Variants in SGCD observed in about 807,000 individuals in gnomAD.
The protein encoded by SGCD is delta-sarcoglycan.
A neutral mutation model predicts 36.6 loss-of-function variants in SGCD; 18 were observed. That is an observed-to-expected ratio of 0.49 (90% CI 0.34 to 0.73). SGCD has a LOEUF of 0.73. Among genes scored for constraint, SGCD ranks in the 30% least tolerant of loss-of-function variants. The pLI, the probability that SGCD is intolerant of heterozygous loss-of-function variation, is 0.01. For synonymous variants in SGCD, 133 were observed against 130.6 expected (o/e 1.02, Z -0.12); for missense variants, 387 against 346.7 (o/e 1.12, Z -0.92).
intron 3 of SGCD, among the ~76,000 whole-genome samples, chr5:156,423,184 A>ATATATATAATATTATATTTTAT (rs1773412011): frequency 1.3e-5 from 1 of 77,430 alleles, no homozygotes; most frequent in Non-Finnish European, 2.9e-5. Flanking sequence ...ATAATTAATT[A>ATATATATAATATTATATTTTAT]TATAATATAA....
At chr5:156,303,030 G>A (rs1019854211) in intron 3 of SGCD, among the ~76,000 whole-genome samples, 1 of 152,216 alleles carries the variant, frequency 6.6e-6, no homozygotes, top group Non-Finnish European at 1.5e-5. Flanking sequence ...GGAAAATTCA[G>A]CCAGACTTTT....
At chr5:156,239,121 T>C (rs1765236864) in intron 3 of SGCD, among the ~76,000 whole-genome samples, 1 of 151,970 alleles carries the variant, frequency 6.6e-6, no homozygotes, top group Middle Eastern at 3.2e-3. Context: ...ATTTGGAGGC[T>C]GGGCATGGTG....
rs1365575657 is a variant in SGCD at position 156,159,884 on chromosome 5, T to C, written c.-44+35865T>C. On this transcript the variant is annotated intron_variant, in intron 3 of 9. Coordinates refer to the SGCD transcript ENST00000517913. ...AGAATACCTTCTTTAACAAATCTTG[T>C]ATTGTTAAATATGTAGATTTTTGGA... 1.3e-5 allele frequency among the ~76,000 whole-genome samples: 2 copies of C among 151,644 alleles called. 1 individual carries two copies. Among genetic ancestry groups the C allele is most frequent in the African/African-American group, 4.9e-5 (2 of 40,990 alleles).
the SGCD span, among the ~76,000 whole-genome samples, chr5:155,832,965 G>A: frequency 6.7e-6 from 1 of 149,798 alleles, no homozygotes; most frequent in African/African-American, 2.5e-5. Flanking sequence ...TATAATCCCA[G>A]CACTTTGGGA....
intron 3 of SGCD, among the ~76,000 whole-genome samples, chr5:156,231,606 C>A (rs917459122): frequency 6.6e-6 from 1 of 151,990 alleles, no homozygotes; most frequent in African/African-American, 2.4e-5. Context: ...AAAGTGTATT[C>A]GATAAGAGGA....
intron 3 of SGCD, among the ~76,000 whole-genome samples, chr5:156,129,521 C>A (rs775835845): frequency 1.3e-5 from 2 of 152,126 alleles, no homozygotes; most frequent in African/African-American, 4.8e-5. Context: ...AGGGTACATG[C>A]GAAGCTTTGT....
chr5:156,376,955 A>C (rs1770702311), intron 3 of SGCD, among the ~76,000 whole-genome samples: 1 of 152,128 alleles, frequency 6.6e-6, no homozygotes, highest in South Asian at 2.1e-4. Flanking sequence ...AACAGATGAG[A>C]GCCAAAATTA....
chr5:155,994,310 G>T (rs1014765890), intron 1 of SGCD, among the ~76,000 whole-genome samples: 1 of 152,168 alleles, frequency 6.6e-6, no homozygotes. Flanking sequence ...TCATTGGGAT[G>T]TTGTGAACAT....
chr5:156,423,386 A>ACAT (rs1773502008), intron 3 of SGCD, among the ~76,000 whole-genome samples: 3 of 105,302 alleles, frequency 2.8e-5, no homozygotes, highest in African/African-American at 8.2e-5. Flanking sequence ...TTATAATATA[A>ACAT]TATATTATAT....
the SGCD span, among the ~76,000 whole-genome samples, chr5:155,769,409 C>T: frequency 4.0e-5 from 6 of 149,714 alleles, no homozygotes; most frequent in Non-Finnish European, 5.9e-5. Context: ...ACCAAAAAAC[C>T]GGAGGCATAT....
At chr5:156,114,046 C>T (rs936883839) in intron 1 of SGCD, among the ~76,000 whole-genome samples, 4 of 151,998 alleles carry the variant, frequency 2.6e-5, no homozygotes, top group African/African-American at 9.7e-5. Context: ...GGCAGAGAAA[C>T]TACTCTGTAT....
At chr5:156,677,179 G>A (rs972653329) in intron 7 of SGCD, among the ~76,000 whole-genome samples, 8 of 152,166 alleles carry the variant, frequency 5.3e-5, no homozygotes, top group Non-Finnish European at 8.8e-5. Flanking sequence ...ATACCCAAAG[G>A]ATTATAAATC....
chr5:155,992,481 A>G (rs1280256629), intron 1 of SGCD, among the ~76,000 whole-genome samples: 1 of 152,206 alleles, frequency 6.6e-6, no homozygotes, highest in East Asian at 1.9e-4. Context: ...AGAGGGAAAA[A>G]TAACCTAAAC....
chr5:156,100,393 A>G (rs1267468867), intron 1 of SGCD, among the ~76,000 whole-genome samples: 5 of 152,192 alleles, frequency 3.3e-5, no homozygotes, highest in Non-Finnish European at 7.3e-5. Flanking sequence ...TTAATTGGAC[A>G]TGAGATGAGG....
At chr5:156,315,338 T>G (rs1336226393) in intron 3 of SGCD, among the ~76,000 whole-genome samples, 2 of 151,936 alleles carry the variant, frequency 1.3e-5, no homozygotes, top group Admixed American at 1.3e-4. Context: ...CTTATTTCAC[T>G]TAACACAATA....
intron 1 of SGCD, among the ~76,000 whole-genome samples, chr5:155,957,328 T>C (rs1372313642): frequency 6.6e-6 from 1 of 152,050 alleles, no homozygotes; most frequent in Non-Finnish European, 1.5e-5. Context: ...TACTCTCACC[T>C]GAAGAGAGCT....
At chr5:156,610,303 G>T (rs1380127982) in intron 6 of SGCD, among the ~76,000 whole-genome samples, 1 of 152,168 alleles carries the variant, frequency 6.6e-6, no homozygotes, top group Non-Finnish European at 1.5e-5. Context: ...TTTGCTGGAG[G>T]TCCACTCCAG....
intron 1 of SGCD, among the ~76,000 whole-genome samples, chr5:155,904,729 T>TA (rs993102585): frequency 1.3e-5 from 2 of 152,182 alleles, no homozygotes; most frequent in African/African-American, 4.8e-5. Flanking sequence ...ATAGGTTTTT[T>TA]AAAAAATACA....
chr5:155,968,028 G>C (rs1157183450), intron 1 of SGCD, among the ~76,000 whole-genome samples: 4 of 152,050 alleles, frequency 2.6e-5, no homozygotes, highest in African/African-American at 9.7e-5. Context: ...CTCTGATACT[G>C]TTCACAAATT....
Sources: allele counts gnomAD v4.1 joint callset (sites outside exome capture counted in the v4.1 genomes callset), GRCh38; gene constraint gnomAD v4.1.1; transcripts MANE v1.5; gene names NCBI Gene and HGNC (gene_info 2026-07-23, HGNC 2026-07-21).